SGCZ: variants seen among roughly 807,000 people sequenced by gnomAD.
The protein encoded by SGCZ is sarcoglycan zeta.
In SGCZ, 40 loss-of-function variants were observed where a neutral mutation model predicts 41.3. The ratio of observed to expected loss-of-function variants is 0.97; its 90% CI spans 0.75 to 1.26. SGCZ has a LOEUF of 1.26. Among genes scored for constraint, SGCZ ranks in the 50% most tolerant of loss-of-function variants. The pLI, the probability that SGCZ is intolerant of heterozygous loss-of-function variation, is 0.00. For synonymous variants in SGCZ, 206 were observed against 137.5 expected, an observed-to-expected ratio of 1.50 and a Z score of -3.49; for missense variants, 552 against 369.8, an observed-to-expected ratio of 1.49 and a Z score of -4.04.
At position 14,497,649 on chromosome 8, in the gene SGCZ, C is replaced by T. The variant is rs189680654; in HGVS notation, c.234+57083G>A. On this transcript the variant is annotated intron_variant, in intron 2 of 7. Transcript: ENST00000382080. ...TAGTGTTAGTGTATTTTATGTGTGG[C>T]CCAAGATGACTCTTCTTCCAATGTG... is the stretch of plus-strand genomic sequence containing the variant. Among the ~76,000 whole-genome samples the T allele has an allele frequency of 3.2e-3, 485 of 151,930 alleles. 1 individual carries two copies. Among genetic ancestry groups the T allele is most frequent in the Non-Finnish European group, 5.1e-3 (344 of 67,970 alleles).
At chr8:14,878,198 C>CA (rs1804439868) in intron 1 of SGCZ, among the ~76,000 whole-genome samples, 1 of 141,812 alleles carries the variant, frequency 7.1e-6, no homozygotes, top group Non-Finnish European at 1.5e-5. Context: ...TTCTTTTTTT[C>CA]TTTTTTTTTT....
intron 1 of SGCZ, among the ~76,000 whole-genome samples, chr8:14,857,897 A>T (rs1406743289): frequency 1.3e-5 from 2 of 152,036 alleles, no homozygotes; most frequent in Non-Finnish European, 2.9e-5. Flanking sequence ...AAGAAAACAA[A>T]TGCAGATTTT....
At chr8:14,300,858 T>C (rs1170258169) in intron 3 of SGCZ, among the ~76,000 whole-genome samples, 1 of 152,022 alleles carries the variant, frequency 6.6e-6, no homozygotes, top group African/African-American at 2.4e-5. Flanking sequence ...GTTCCTTATA[T>C]ATTCTGGATA....
intron 4 of SGCZ, among the ~76,000 whole-genome samples, chr8:14,190,082 G>C (rs1466433404): frequency 1.6e-5 from 2 of 124,376 alleles, no homozygotes; most frequent in Admixed American, 1.1e-4. Context: ...GCGCCATCTT[G>C]ACTCGCTGCA....
At chr8:14,797,113 T>A (rs765914530) in intron 1 of SGCZ, among the ~76,000 whole-genome samples, 37 of 152,192 alleles carry the variant, frequency 2.4e-4, no homozygotes, top group Middle Eastern at 3.4e-3. Flanking sequence ...GCTATAAGGA[T>A]ACCTGAAAAT....
intron 2 of SGCZ, among the ~76,000 whole-genome samples, chr8:14,521,042 A>G (rs559430492): frequency 1.3e-5 from 2 of 152,180 alleles, no homozygotes; most frequent in South Asian, 4.1e-4. Context: ...AAGATAAGAG[A>G]GAATTCCCGT....
intron 1 of SGCZ, among the ~76,000 whole-genome samples, chr8:14,791,060 G>A (rs1039728069): frequency 6.6e-6 from 1 of 151,106 alleles, no homozygotes; most frequent in South Asian, 2.1e-4. Context: ...AAGAAAAATA[G>A]GATACAATGC....
At position 14,692,254 on chromosome 8, in the gene SGCZ, T is replaced by G. The variant is rs1057036954; in HGVS notation, c.40-137328A>C. Among the ~76,000 whole-genome samples, 6 of 152,108 alleles carry G rather than the reference T, an allele frequency of 3.9e-5. No homozygotes were observed. The East Asian group carries it at 1.2e-3, about 29-fold the overall frequency. ...TTAAGATTAATGATATATCTTAGAA[T>G]AAAACCAACCATAGGATATTGTCAA... On this transcript the variant is annotated intron_variant, in intron 1 of 7. Transcript: ENST00000382080.
chr8:14,568,005 C>A (rs1804431410), intron 1 of SGCZ, among the ~76,000 whole-genome samples: 1 of 152,148 alleles, frequency 6.6e-6, no homozygotes. Context: ...GTCAGTGAGA[C>A]CAAGAACCCA....
chr8:14,114,105 T>G (rs575220882), intron 5 of SGCZ, among the ~76,000 whole-genome samples: 1 of 152,168 alleles, frequency 6.6e-6, no homozygotes, highest in African/African-American at 2.4e-5. Context: ...AACTTACGAC[T>G]TTCTTGAAGT....
intron 1 of SGCZ, among the ~76,000 whole-genome samples, chr8:15,110,475 A>G (rs1807005130): frequency 6.6e-6 from 1 of 152,246 alleles, no homozygotes; most frequent in Non-Finnish European, 1.5e-5. Context: ...CAAGATAGCC[A>G]GAGAGCCTTC....
At chr8:14,811,794 C>T (rs947511414) in intron 1 of SGCZ, among the ~76,000 whole-genome samples, 9 of 151,962 alleles carry the variant, frequency 5.9e-5, no homozygotes, top group African/African-American at 2.2e-4. Flanking sequence ...ATTTTCAAAG[C>T]TGCTATTCCA....
At chr8:14,849,742 T>A (rs981844141) in intron 1 of SGCZ, among the ~76,000 whole-genome samples, 1 of 152,108 alleles carries the variant, frequency 6.6e-6, no homozygotes, top group African/African-American at 2.4e-5. Context: ...AATGAATGTA[T>A]ACTTATGTCA....
intron 1 of SGCZ, among the ~76,000 whole-genome samples, chr8:14,716,576 G>A (rs557052169): frequency 1.3e-5 from 2 of 152,008 alleles, no homozygotes; most frequent in East Asian, 1.9e-4. Context: ...AATTTCTTTT[G>A]AGTTTTCTTA....
intron 1 of SGCZ, among the ~76,000 whole-genome samples, chr8:14,640,306 G>A (rs1806980079): frequency 6.6e-6 from 1 of 151,436 alleles, no homozygotes; most frequent in Admixed American, 6.6e-5. Context: ...ACAAAGTTTG[G>A]GTACATAATT....
chr8:14,198,796 T>G (rs1275499691), intron 4 of SGCZ, among the ~76,000 whole-genome samples: 1 of 152,186 alleles, frequency 6.6e-6, no homozygotes, highest in Non-Finnish European at 1.5e-5. Context: ...CTTTTAAAAT[T>G]TCTTATGCCT....
rs909837206 is a variant in SGCZ, at chr8:14,085,411, T to C, written c.*5032A>G. ...GTTAATGAATGTCCTTGCCCATCTTTAACCCTGTTTGGTTTTTATTTATAA... is the reference window on the plus strand; with the variant it reads ...GTTAATGAATGTCCTTGCCCATCTTCAACCCTGTTTGGTTTTTATTTATAA... On this transcript the variant is annotated 3_prime_UTR_variant, in exon 8 of 8. Coordinates refer to ENST00000382080, the MANE Select transcript of SGCZ (RefSeq NM_139167.4). Among the ~76,000 whole-genome samples, 4 of 151,800 alleles carry C rather than the reference T, an allele frequency of 2.6e-5. No homozygotes were observed. The highest frequency in any genetic ancestry group is 9.7e-5 in the African/African-American group (4 of 41,412).
intron 1 of SGCZ, among the ~76,000 whole-genome samples, chr8:14,660,469 G>C (rs1011274272): frequency 2.6e-5 from 4 of 151,202 alleles, no homozygotes; most frequent in Non-Finnish European, 4.4e-5. Flanking sequence ...CTACCTGGGA[G>C]GGTGAGGCAG....
intron 1 of SGCZ, among the ~76,000 whole-genome samples, chr8:15,012,813 G>A (rs867840029): frequency 1.9e-4 from 29 of 149,466 alleles, no homozygotes; most frequent in African/African-American, 6.6e-4. Context: ...ATATATATAC[G>A]TATACAAGAA....
Sources: allele counts gnomAD v4.1 joint callset (sites outside exome capture counted in the v4.1 genomes callset), GRCh38; gene constraint gnomAD v4.1.1; transcripts MANE v1.5; gene names NCBI Gene and HGNC (gene_info 2026-07-23, HGNC 2026-07-21).